RALYL: variants seen among roughly 807,000 people sequenced by gnomAD.
The protein encoded by RALYL is RNA-binding Raly-like protein.
In RALYL, 29 loss-of-function variants were observed where a neutral mutation model predicts 35.1. The ratio of observed to expected loss-of-function variants is 0.83; its 90% CI spans 0.61 to 1.13. The LOEUF (loss-of-function observed/expected upper bound fraction) is 1.13. Ranked by LOEUF, RALYL falls within the 50% of genes most tolerant of loss-of-function variation. The pLI is 0.00. For missense variants in RALYL, 359 were observed against 360.4 expected (o/e 1.00, Z 0.03); for synonymous variants, 120 against 127.6 (o/e 0.94, Z 0.40).
At chr8:84,344,233 G>A (rs1482241229) in intron 1 of RALYL, among the ~76,000 whole-genome samples, 2 of 151,858 alleles carry the variant, frequency 1.3e-5, no homozygotes, top group East Asian at 3.9e-4. Context: ...AGAAATACTT[G>A]TAAATCTTAC....
At chr8:84,848,415 G>GTA (rs201197372) in intron 4 of RALYL, among the ~76,000 whole-genome samples, 30 of 144,672 alleles carry the variant, frequency 2.1e-4, no homozygotes, top group African/African-American at 5.2e-4. Context: ...ATATGTGTGT[G>GTA]TATATATATA....
intron 1 of RALYL, among the ~76,000 whole-genome samples, chr8:84,231,060 C>T (rs1037050549): frequency 1.3e-5 from 2 of 152,202 alleles, no homozygotes; most frequent in African/African-American, 4.8e-5. Context: ...GAAGAGAAGA[C>T]ATTTAACTAA....
At chr8:84,778,107 A>G (rs987482547) in intron 3 of RALYL, among the ~76,000 whole-genome samples, 1 of 152,186 alleles carries the variant, frequency 6.6e-6, no homozygotes, top group Non-Finnish European at 1.5e-5. Flanking sequence ...GAACAGGGTG[A>G]AGAGAGAGCA....
intron 8 of RALYL, among the ~76,000 whole-genome samples, chr8:84,909,211 A>G (rs1847088370): frequency 6.6e-6 from 1 of 152,148 alleles, no homozygotes; most frequent in Non-Finnish European, 1.5e-5. Flanking sequence ...AGAACACTTA[A>G]AGTCATAAAT....
chr8:84,534,276 C>T (rs192716513), intron 2 of RALYL, among the ~76,000 whole-genome samples: 1 of 152,348 alleles, frequency 6.6e-6, no homozygotes, highest in Admixed American at 6.5e-5. Context: ...TCTGCACCAC[C>T]TCACCCTACT....
chr8:84,516,820 A>G (rs756819725), intron 1 of RALYL, among the ~76,000 whole-genome samples: 6 of 152,122 alleles, frequency 3.9e-5, no homozygotes, highest in African/African-American at 9.7e-5. Context: ...TGGGTATTCT[A>G]TCTTCTTATT....
chr8:84,256,388 T>A lies in RALYL; in HGVS notation c.-24+71964T>A, dbSNP rs1416138138. Among the ~76,000 whole-genome samples, 3 of 152,172 alleles carry A rather than the reference T, an allele frequency of 2.0e-5. No homozygotes were observed. In the East Asian group the frequency reaches 5.8e-4, roughly 29 times the overall value. ...CCTATTTTCATTAATTCAAGTTGTG[T>A]TCTTATATCGAATAGCAGGTAAGGG... On this transcript the variant is annotated intron_variant, in intron 1 of 8. Coordinates refer to ENST00000521268, the MANE Select transcript of RALYL (RefSeq NM_173848.7).
intron 2 of RALYL, among the ~76,000 whole-genome samples, chr8:84,726,826 GC>G (rs1563449519): frequency 6.6e-6 from 1 of 151,998 alleles, no homozygotes; most frequent in African/African-American, 2.4e-5. Flanking sequence ...AATGTACTGT[GC>G]TAGGCCTTGT....
chr8:84,888,397 C>T (rs111362487), intron 8 of RALYL, among the ~76,000 whole-genome samples: 41 of 152,246 alleles, frequency 2.7e-4, no homozygotes, highest in Middle Eastern at 3.4e-3. Context: ...AACCACATCA[C>T]GGACTTGGTA....
intron 1 of RALYL, among the ~76,000 whole-genome samples, chr8:84,425,065 T>C (rs2132513170): frequency 6.6e-6 from 1 of 152,318 alleles, no homozygotes; most frequent in East Asian, 1.9e-4. Flanking sequence ...CCTTGAGCTG[T>C]GGTGGGCTCC....
At chr8:84,869,474 G>C (rs1308382154) in intron 6 of RALYL, among the ~76,000 whole-genome samples, 4 of 152,172 alleles carry the variant, frequency 2.6e-5, no homozygotes, top group Non-Finnish European at 5.9e-5. Flanking sequence ...CTAAATAGTT[G>C]ATAGGAAGCA....
At chr8:84,736,032 A>C (rs899230150) in intron 2 of RALYL, among the ~76,000 whole-genome samples, 1 of 152,112 alleles carries the variant, frequency 6.6e-6, no homozygotes, top group African/African-American at 2.4e-5. Flanking sequence ...ACACTCCAAC[A>C]CAGTCTCTAG....
chr8:84,583,615 G>T (rs923626151), intron 2 of RALYL, among the ~76,000 whole-genome samples: 2 of 152,068 alleles, frequency 1.3e-5, no homozygotes, highest in East Asian at 3.9e-4. Context: ...CAGCAAAATT[G>T]CTCAGTAAAC....
chr8:84,350,896 T>C (rs1464606265), intron 1 of RALYL, among the ~76,000 whole-genome samples: 1 of 150,066 alleles, frequency 6.7e-6, no homozygotes, highest in African/African-American at 2.5e-5. Flanking sequence ...AGTGGTAAAA[T>C]AGAATTATTT....
At chr8:84,799,400 G>T (rs1822661895) in intron 3 of RALYL, among the ~76,000 whole-genome samples, 1 of 152,190 alleles carries the variant, frequency 6.6e-6, no homozygotes, top group African/African-American at 2.4e-5. Flanking sequence ...TCTGTTAGTA[G>T]ATATGGCAAC....
At chr8:84,783,941 G>A (rs1818780470) in intron 3 of RALYL, among the ~76,000 whole-genome samples, 1 of 152,190 alleles carries the variant, frequency 6.6e-6, no homozygotes, top group Non-Finnish European at 1.5e-5. Context: ...CTAGGGCTCA[G>A]GTTCAGGTTT....
At chr8:84,609,091 C>G (rs993820810) in intron 2 of RALYL, among the ~76,000 whole-genome samples, 1 of 152,068 alleles carries the variant, frequency 6.6e-6, no homozygotes, top group Non-Finnish European at 1.5e-5. Flanking sequence ...CCTCATATGT[C>G]TCAGAACAAA....
chr8:84,699,074 A>G lies in RALYL; in HGVS notation c.257-75505A>G, dbSNP rs147155371. ...GATAGATAGGATAAATAGATAACAG[A>G]TGAATAGATAGATAGTAGATAGATA... On this transcript the variant is annotated intron_variant, in intron 2 of 8. Transcript: ENST00000521268. 4.0e-3 allele frequency among the ~76,000 whole-genome samples: 601 copies of G among 151,794 alleles called. 6 individuals carry two copies. Among genetic ancestry groups the G allele is most frequent in the African/African-American group, 0.013 (552 of 41,416 alleles).
chr8:84,674,017 A>AT (rs1021362322), intron 2 of RALYL, among the ~76,000 whole-genome samples: 64 of 152,024 alleles, frequency 4.2e-4, no homozygotes, highest in African/African-American at 1.1e-3. Flanking sequence ...TGAATATGGG[A>AT]TTTTTTTTAA....
Sources: gnomAD v4.1 joint callset for allele counts (sites outside exome capture counted in the v4.1 genomes callset) on GRCh38, gnomAD v4.1.1 for gene constraint, MANE v1.5 for transcripts, NCBI Gene and HGNC (gene_info 2026-07-23, HGNC 2026-07-21) for gene names.